The following B4GALNT2 variants were observed in gnomAD, a reference collection of about 807,000 sequenced individuals.
B4GALNT2 encodes the protein N-acetylneuraminylgalactosylglucosyl-glucoside beta-1,4-N- acetylgalactosaminyltransferase 2.
In B4GALNT2, 42 loss-of-function variants were observed where a neutral mutation model predicts 51.1. The ratio of observed to expected loss-of-function variants is 0.82; its 90% CI spans 0.64 to 1.06. B4GALNT2 has a LOEUF of 1.06. B4GALNT2 is among the 50% of genes least tolerant of loss of function. B4GALNT2 has a pLI of 0.00. For missense variants in B4GALNT2, 602 were observed against 633.6 expected (o/e 0.95, Z 0.54); for synonymous variants, 253 against 251.7 (o/e 1.01, Z -0.05).
the B4GALNT2 span, among the ~76,000 whole-genome samples, chr17:49,121,558 C>A: frequency 1.3e-5 from 2 of 152,196 alleles, no homozygotes; most frequent in Middle Eastern, 3.4e-3. Flanking sequence ...AAGACCAGTG[C>A]CAGAGGTGGG....
At chr17:49,147,965 A>C (rs963308064) in intron 3 of B4GALNT2, among the ~76,000 whole-genome samples, 9 of 129,140 alleles carry the variant, frequency 7.0e-5, no homozygotes, top group Non-Finnish European at 1.4e-4. Context: ...TTTTTATTCA[A>C]TTATATATAT....
At chr17:49,167,728 G>C (rs1228515211) in intron 9 of B4GALNT2, among the ~76,000 whole-genome samples, 7 of 150,818 alleles carry the variant, frequency 4.6e-5, no homozygotes, top group Non-Finnish European at 8.8e-5. Context: ...TCTTGCCTCA[G>C]CCTCCTGAGT....
At chr17:49,168,445 G>A (rs1223164035) in intron 9 of B4GALNT2, among the ~76,000 whole-genome samples, 2 of 152,286 alleles carry the variant, frequency 1.3e-5, no homozygotes, top group South Asian at 4.1e-4. Context: ...GGTTACTCAT[G>A]CCAAGGAGAT....
chr17:49,133,061 C>T (rs1351204409), intron 1 of B4GALNT2: 3 of 1,502,520 alleles, frequency 2.0e-6, no homozygotes, highest in Non-Finnish European at 2.6e-6. Context: ...GAAAATTCCA[C>T]GTGGAAGTGG....
Position 49,141,348 on chromosome 17 carries a change from G to A in B4GALNT2, c.116G>A (p.Ser39Asn). 1.2e-6 allele frequency: 2 copies of A among 1,614,140 alleles called. No homozygotes were observed. Among genetic ancestry groups the A allele is most frequent in the Non-Finnish European group, 1.7e-6 (2 of 1,180,022 alleles). The stretch of plus-strand genomic sequence containing the variant: ...ATGTTCCTTCAAGCAGTGTTCAGCA[G>A]CCCCAAGCCAGAACTCCCAAGTCCT... ...GSMFLQAVFS[S>N]PKPELPSPAP... Residue 39 changes from serine (S) to asparagine (N), a missense_variant, in exon 2 of 11, where the codon AGC (serine) becomes AAC (asparagine). Physicochemically the swap from Ser to Asn is conservative, Grantham distance 46. Coordinates refer to ENST00000393354, the MANE Select transcript of B4GALNT2 (RefSeq NM_001159387.2).
chr17:49,153,149 G>T (rs529557799), intron 4 of B4GALNT2, among the ~76,000 whole-genome samples: 1 of 151,760 alleles, frequency 6.6e-6, no homozygotes, highest in Admixed American at 6.6e-5. Flanking sequence ...CTGTGCTCAC[G>T]CCTGCCTATA....
rs1322923011 is a variant in B4GALNT2, at chr17:49,167,510, C to T, written c.1096-1171C>T. Among the ~76,000 whole-genome samples, 4 of 151,794 alleles carry T rather than the reference C, an allele frequency of 2.6e-5. No individual in the cohort carries two copies. In the East Asian group the frequency reaches 7.7e-4, roughly 29 times the overall value. On this transcript the variant is annotated intron_variant, in intron 9 of 10. Coordinates refer to ENST00000393354, the MANE Select transcript of B4GALNT2 (RefSeq NM_001159387.2). ...GGCCCAAGTGCAGATAGCTTATACA[C>T]ATGTATTACGTAGTGGTGAAGTCTG...
At chr17:49,134,656 C>T (rs1380592887) in intron 1 of B4GALNT2, among the ~76,000 whole-genome samples, 1 of 152,150 alleles carries the variant, frequency 6.6e-6, no homozygotes, top group African/African-American at 2.4e-5. Flanking sequence ...GGCGCAATCT[C>T]GGCTCACTGC....
chr17:49,144,576 C>T (rs1311649380), intron 3 of B4GALNT2, among the ~76,000 whole-genome samples: 1 of 152,176 alleles, frequency 6.6e-6, no homozygotes, highest in African/African-American at 2.4e-5. Flanking sequence ...GGGCAAGCTG[C>T]TTAATCTCTG....
At chr17:49,124,066 T>C in the B4GALNT2 span, among the ~76,000 whole-genome samples, 2 of 152,204 alleles carry the variant, frequency 1.3e-5, no homozygotes, top group Non-Finnish European at 2.9e-5. Context: ...CCAAATTTTG[T>C]TCATGGGAGT....
In B4GALNT2 at chr17:49,140,049, A is replaced by T. The variant is rs367689419; in HGVS notation, c.15-1198A>T. On this transcript the variant is annotated intron_variant, in intron 1 of 10. Coordinates refer to ENST00000393354, the MANE Select transcript of B4GALNT2 (RefSeq NM_001159387.2). ...CTTTGCCCTATATTAATTTATAAAT[A>T]TAATATAATATAATTTATAATAACC... Among the ~76,000 whole-genome samples the T allele has an allele frequency of 2.5e-3, 372 of 149,132 alleles. 7 individuals are homozygous for T. The highest frequency in any genetic ancestry group is 8.3e-3 in the African/African-American group (341 of 41,116).
chr17:49,132,004 C>A (rs148700215), upstream of B4GALNT2, among the ~76,000 whole-genome samples: 1 of 151,906 alleles, frequency 6.6e-6, no homozygotes, highest in African/African-American at 2.4e-5. Flanking sequence ...TAGCCAGGTG[C>A]GGTCGTGGGT....
intron 1 of B4GALNT2, among the ~76,000 whole-genome samples, chr17:49,137,013 A>C (rs2042596533): frequency 6.6e-6 from 1 of 152,214 alleles, no homozygotes; most frequent in Non-Finnish European, 1.5e-5. Context: ...TACACAGCTT[A>C]AAAGGCATGT....
intron 3 of B4GALNT2, among the ~76,000 whole-genome samples, chr17:49,147,185 T>G (rs1037376986): frequency 2.0e-5 from 3 of 152,152 alleles, no homozygotes; most frequent in East Asian, 3.9e-4. Context: ...TCCTTGAAAT[T>G]ACAAATAGAG....
chr17:49,143,769 A>C (rs1394328788), intron 3 of B4GALNT2, among the ~76,000 whole-genome samples: 1 of 152,218 alleles, frequency 6.6e-6, no homozygotes, highest in Non-Finnish European at 1.5e-5. Flanking sequence ...TTCTTGCTAC[A>C]TCATAACATG....
upstream of B4GALNT2, chr17:49,132,689 C>T (rs865788264): frequency 7.5e-7 from 1 of 1,333,676 alleles, no homozygotes; most frequent in Middle Eastern, 2.7e-4. Flanking sequence ...TGCACCTGCC[C>T]TACTCGCCGA....
At chr17:49,165,559 C>T in intron 8 of B4GALNT2, among the ~76,000 whole-genome samples, 1 of 126,224 alleles carries the variant, frequency 7.9e-6, no homozygotes, top group Non-Finnish European at 1.7e-5. Context: ...TTCCCACCCT[C>T]CTTCTCTCCC....
At chr17:49,127,571 T>G (rs894564819), upstream of B4GALNT2, among the ~76,000 whole-genome samples, 2 of 152,168 alleles carry the variant, frequency 1.3e-5, no homozygotes, top group African/African-American at 4.8e-5. Context: ...TTAAAATAGA[T>G]ATTGCACACA....
Position 49,159,080 on chromosome 17 carries a change from A to T in B4GALNT2, c.542A>T (p.Asp181Val), listed in dbSNP as rs963033214. The T allele has an allele frequency of 1.9e-6, 3 of 1,614,256 alleles. No individual in the cohort carries two copies. In the South Asian group the frequency reaches 3.3e-5, roughly 18 times the overall value. ...ASLGTLNTLADVPDSVVQGRG... is the reference protein window; with the variant it reads ...ASLGTLNTLAVVPDSVVQGRG... ...CTGGGGACACTGAACACCCTTGCTG[A>T]TGTCCCAGACAGTGTGGTGCAGGGC... is the stretch of plus-strand genomic sequence containing the variant. Residue 181 changes from aspartate (D) to valine (V), a missense_variant, in exon 6 of 11, where the codon GAT becomes GTT. Coordinates refer to ENST00000393354, the MANE Select transcript of B4GALNT2 (RefSeq NM_001159387.2).
Sources: gnomAD v4.1 joint callset for allele counts (sites outside exome capture counted in the v4.1 genomes callset) on GRCh38, gnomAD v4.1.1 for gene constraint, MANE v1.5 for transcripts, NCBI Gene and HGNC (gene_info 2026-07-23, HGNC 2026-07-21) for gene names.